CFAP20DC: variants seen among roughly 807,000 people sequenced by gnomAD.
The protein encoded by CFAP20DC is protein CFAP20DC.
In CFAP20DC, 84 loss-of-function variants were observed where a neutral mutation model predicts 101.7. The ratio of observed to expected loss-of-function variants is 0.83; its 90% confidence interval spans 0.69 to 0.99. The LOEUF (loss-of-function observed/expected upper bound fraction) is 0.99, where lower values mean the gene tolerates loss of function less well. Among genes scored for constraint, CFAP20DC ranks in the 50% least tolerant of loss-of-function variants. CFAP20DC has a pLI of 0.00. For missense variants in CFAP20DC, 1,007 were observed against 970.3 expected (o/e 1.04, Z -0.50); for synonymous variants, 359 against 351.2 (o/e 1.02, Z -0.25).
At chr3:58,821,328 A>C (rs1314886970) in intron 14 of CFAP20DC, among the ~76,000 whole-genome samples, 1 of 152,094 alleles carries the variant, frequency 6.6e-6, no homozygotes, top group East Asian at 1.9e-4. Context: ...TCTGCACAGC[A>C]AAAGAAACTA....
chr3:58,992,138 C>A (rs2092960133), intron 4 of CFAP20DC, among the ~76,000 whole-genome samples: 1 of 152,152 alleles, frequency 6.6e-6, no homozygotes, highest in African/African-American at 2.4e-5. Context: ...TGCCTAGGGT[C>A]TCAGCCAGCA....
At chr3:58,896,205 T>C (rs746583161) in intron 6 of CFAP20DC, among the ~76,000 whole-genome samples, 1 of 152,224 alleles carries the variant, frequency 6.6e-6, no homozygotes, top group African/African-American at 2.4e-5. Flanking sequence ...TATTCTCTGA[T>C]GGTTGTTTGC....
intron 13 of CFAP20DC, among the ~76,000 whole-genome samples, chr3:58,840,446 G>A (rs1157993503): frequency 2.6e-5 from 4 of 152,074 alleles, no homozygotes; most frequent in African/African-American, 9.7e-5. Context: ...GGTGGTCTCC[G>A]GGAAATTATC....
intron 3 of CFAP20DC, chr3:58,725,826 C>T (rs189116979): frequency 4.5e-4 from 98 of 215,446 alleles, no homozygotes; most frequent in Non-Finnish European, 7.5e-4. Context: ...AAGTTCATCT[C>T]CAACTCAGGC....
chr3:58,785,429 G>A (rs370157534), intron 15 of CFAP20DC, among the ~76,000 whole-genome samples: 3 of 151,940 alleles, frequency 2.0e-5, no homozygotes, highest in African/African-American at 7.3e-5. Flanking sequence ...TAGAAGGGAG[G>A]ACTTGAAATG....
At chr3:58,841,615 T>C (rs903902423) in intron 13 of CFAP20DC, among the ~76,000 whole-genome samples, 1 of 152,236 alleles carries the variant, frequency 6.6e-6, no homozygotes, top group African/African-American at 2.4e-5. Flanking sequence ...CTCACACTAT[T>C]CTATGGCCTA....
At chr3:59,029,813 G>C (rs769934559) in intron 4 of CFAP20DC, among the ~76,000 whole-genome samples, 2 of 152,174 alleles carry the variant, frequency 1.3e-5, no homozygotes, top group African/African-American at 2.4e-5. Flanking sequence ...GACTAGCAGG[G>C]TAGTAGCAAG....
intron 5 of CFAP20DC, among the ~76,000 whole-genome samples, chr3:58,934,034 T>G (rs1302732175): frequency 6.6e-6 from 1 of 151,710 alleles, no homozygotes; most frequent in Non-Finnish European, 1.5e-5. Context: ...GCAAGACTAA[T>G]AAAGAAGAAA....
chr3:58,918,426 A>G (rs1406684743), intron 5 of CFAP20DC, among the ~76,000 whole-genome samples: 3 of 152,114 alleles, frequency 2.0e-5, no homozygotes, highest in South Asian at 2.1e-4. Flanking sequence ...TCCTGAAAAA[A>G]GCTGGAACCA....
At chr3:58,866,742 G>C in intron 10 of CFAP20DC, 54 bp from the exon 11 acceptor site, 3 of 1,208,886 alleles carry the variant, frequency 2.5e-6, no homozygotes, top group Non-Finnish European at 3.6e-6. Context: ...TTTATAAAAA[G>C]TAATTTTAGA....
chr3:58,770,354 G>A (rs954552049), intron 15 of CFAP20DC, among the ~76,000 whole-genome samples: 7 of 152,080 alleles, frequency 4.6e-5, no homozygotes, highest in Non-Finnish European at 1.0e-4. Flanking sequence ...GACTTTATGC[G>A]GGGTACTGAG....
chr3:58,821,162 T>C (rs2107914422), intron 14 of CFAP20DC, among the ~76,000 whole-genome samples: 1 of 152,102 alleles, frequency 6.6e-6, no homozygotes, highest in East Asian at 1.9e-4. Flanking sequence ...ATTAAAGATT[T>C]AAACGTTAGA....
intron 3 of CFAP20DC, among the ~76,000 whole-genome samples, chr3:59,042,955 G>T (rs139732742): frequency 6.6e-6 from 1 of 152,242 alleles, no homozygotes; most frequent in East Asian, 1.9e-4. Flanking sequence ...CAACTGAAAA[G>T]ATAAGTTGCT....
rs1216808033 is a variant in CFAP20DC at position 58,869,938 on chromosome 3, G to A, written c.852+235C>T. ...ATTTTGTGAACATATTTAATGAAAAGAATACTCGAAAATGTTAATTATGTT... is the reference window on the plus strand; with the variant it reads ...ATTTTGTGAACATATTTAATGAAAAAAATACTCGAAAATGTTAATTATGTT... On this transcript the variant is annotated intron_variant, in intron 8 of 16. Transcript: ENST00000482387. This position sits in a 1 kb window ranked among gnomAD's most constrained non-coding sequence, Gnocchi z 4.3. 3.3e-5 allele frequency among the ~76,000 whole-genome samples: 5 copies of A among 152,134 alleles called. No homozygotes were observed. Among genetic ancestry groups the A allele is most frequent in the Non-Finnish European group, 7.4e-5 (5 of 68,016 alleles).
intron 3 of CFAP20DC, among the ~76,000 whole-genome samples, chr3:59,045,093 CT>C (rs199503365): frequency 6.6e-5 from 10 of 151,166 alleles, no homozygotes; most frequent in Admixed American, 5.9e-4. Context: ...GATATCTCTT[CT>C]TTTTTTTTCC....
At chr3:58,994,847 C>T (rs1576632752) in intron 4 of CFAP20DC, among the ~76,000 whole-genome samples, 1 of 148,036 alleles carries the variant, frequency 6.8e-6, no homozygotes, top group African/African-American at 2.5e-5. Flanking sequence ...AAAAAAAAAA[C>T]AAAAAGCAAA....
At chr3:58,879,633 G>A (rs1264055755) in intron 7 of CFAP20DC, among the ~76,000 whole-genome samples, 1 of 152,082 alleles carries the variant, frequency 6.6e-6, no homozygotes, top group East Asian at 1.9e-4. Flanking sequence ...CATTTTAGTG[G>A]GGGAGACAGC....
rs866029941 is a variant in CFAP20DC, at chr3:58,847,649, C to T, written c.1971+1383G>A. 5.3e-5 allele frequency among the ~76,000 whole-genome samples: 8 copies of T among 151,066 alleles called. No individual in the cohort carries two copies. The South Asian group carries it at 1.1e-3, about 20-fold the overall frequency. On this transcript the variant is annotated intron_variant, in intron 13 of 16. Coordinates refer to ENST00000482387, the MANE Select transcript of CFAP20DC (RefSeq NM_001394063.1). ...CTAGAACTGGAAATACCATTTGACC[C>T]AGCCATCCCATTACTGGGTATATAC...
intron 4 of CFAP20DC, among the ~76,000 whole-genome samples, chr3:58,951,757 T>A (rs1285383194): frequency 6.8e-6 from 1 of 146,890 alleles, no homozygotes; most frequent in Non-Finnish European, 1.5e-5. Context: ...GGGCCTGTTG[T>A]GGGGTGGGGG....
Sources: allele counts gnomAD v4.1 joint callset (sites outside exome capture counted in the v4.1 genomes callset), GRCh38; gene constraint gnomAD v4.1.1; non-coding constraint Gnocchi (gnomAD v3.1); transcripts MANE v1.5; gene names NCBI Gene and HGNC (gene_info 2026-07-23, HGNC 2026-07-21).